REDIC1: variants seen among roughly 807,000 people sequenced by gnomAD.
REDIC1 encodes the protein HEI10 Interacting Protein 1.
the REDIC1 span, among the ~76,000 whole-genome samples, chr12:39,735,188 C>T: frequency 6.6e-6 from 1 of 152,114 alleles, no homozygotes; most frequent in Admixed American, 6.5e-5. Context: ...AGGTGGTGGT[C>T]TGAAGCTGGA....
chr12:39,790,554 CT>C, the REDIC1 span, among the ~76,000 whole-genome samples: 1 of 148,022 alleles, frequency 6.8e-6, no homozygotes, highest in Admixed American at 6.8e-5. Flanking sequence ...TGAACTCATC[CT>C]TTTTTATGGC....
the REDIC1 span, among the ~76,000 whole-genome samples, chr12:39,792,360 C>T: frequency 6.6e-6 from 1 of 151,548 alleles, no homozygotes; most frequent in African/African-American, 2.4e-5. Context: ...GCAACAAAAG[C>T]CAAAATTGAC....
At chr12:39,720,497 CT>C in the REDIC1 span, among the ~76,000 whole-genome samples, 3 of 151,986 alleles carry the variant, frequency 2.0e-5, no homozygotes, top group African/African-American at 7.2e-5. Flanking sequence ...ATTATAGGGA[CT>C]AATAAAAGAC....
the REDIC1 span, among the ~76,000 whole-genome samples, chr12:39,896,500 A>G: frequency 2.0e-5 from 3 of 147,142 alleles, no homozygotes; most frequent in African/African-American, 5.0e-5. Context: ...GTACACATAT[A>G]TGTATGTACA....
the REDIC1 span, among the ~76,000 whole-genome samples, chr12:39,866,571 C>CG: frequency 2.6e-5 from 4 of 152,122 alleles, no homozygotes; most frequent in Non-Finnish European, 4.4e-5. Context: ...CTCCGCCCCC[C>CG]GGGGTTCACG....
chr12:39,817,209 T>C, the REDIC1 span, among the ~76,000 whole-genome samples: 1 of 152,208 alleles, frequency 6.6e-6, no homozygotes, highest in African/African-American at 2.4e-5. Flanking sequence ...AACAAATTCA[T>C]TAGAAAGTCT....
At chr12:39,815,613 A>C in the REDIC1 span, among the ~76,000 whole-genome samples, 1 of 152,216 alleles carries the variant, frequency 6.6e-6, no homozygotes, top group Non-Finnish European at 1.5e-5. Flanking sequence ...GTAAGAGGCG[A>C]ACGGGGATAA....
At chr12:39,714,229 A>ATATACG in the REDIC1 span, among the ~76,000 whole-genome samples, 2 of 145,788 alleles carry the variant, frequency 1.4e-5, no homozygotes, top group African/African-American at 5.1e-5. Context: ...ATATGCATGC[A>ATATACG]TATATGTATA....
the REDIC1 span, among the ~76,000 whole-genome samples, chr12:39,868,658 C>A: frequency 1.3e-5 from 2 of 152,154 alleles, no homozygotes; most frequent in African/African-American, 4.8e-5. Context: ...GGGGGAAAAA[C>A]ACAATCTTTC....
the REDIC1 span, among the ~76,000 whole-genome samples, chr12:39,730,710 T>G: frequency 6.6e-6 from 1 of 152,218 alleles, no homozygotes; most frequent in Non-Finnish European, 1.5e-5. Flanking sequence ...CTTGCTAGGT[T>G]GGGGGAGTTC....
the REDIC1 span, among the ~76,000 whole-genome samples, chr12:39,698,350 T>C: frequency 6.6e-6 from 1 of 152,028 alleles, no homozygotes. Context: ...ATAAAGCAAA[T>C]ATTATTAGAG....
the REDIC1 span, among the ~76,000 whole-genome samples, chr12:39,813,133 C>T: frequency 1.3e-5 from 2 of 150,048 alleles, no homozygotes; most frequent in South Asian, 4.3e-4. Flanking sequence ...GCGTGACCCA[C>T]TGTGCCCAGC....
the REDIC1 span, among the ~76,000 whole-genome samples, chr12:39,714,604 G>A: frequency 2.0e-5 from 3 of 151,798 alleles, no homozygotes; most frequent in South Asian, 2.1e-4. Context: ...TGGACCAAAT[G>A]GTAGTTCTAC....
At chr12:39,769,462 A>T in the REDIC1 span, among the ~76,000 whole-genome samples, 1 of 152,130 alleles carries the variant, frequency 6.6e-6, no homozygotes, top group African/African-American at 2.4e-5. Context: ...TACTTTGAAC[A>T]TCAATTTTTC....
the REDIC1 span, among the ~76,000 whole-genome samples, chr12:39,677,601 A>G: frequency 6.6e-6 from 1 of 152,172 alleles, no homozygotes; most frequent in Non-Finnish European, 1.5e-5. Flanking sequence ...CTTAACAGAT[A>G]TTTACAGAAT....
At chr12:39,776,861 A>G in the REDIC1 span, among the ~76,000 whole-genome samples, 2 of 152,234 alleles carry the variant, frequency 1.3e-5, no homozygotes, top group Non-Finnish European at 2.9e-5. Context: ...GTTCTAAGAC[A>G]GTACTGATCC....
At chr12:39,752,513 A>G in the REDIC1 span, among the ~76,000 whole-genome samples, 16 of 152,272 alleles carry the variant, frequency 1.1e-4, no homozygotes, top group African/African-American at 3.9e-4. Context: ...GGTGGGAGAA[A>G]CAGGCAAGGG....
chr12:39,704,749 A>G, the REDIC1 span, among the ~76,000 whole-genome samples: 1 of 152,262 alleles, frequency 6.6e-6, no homozygotes, highest in Non-Finnish European at 1.5e-5. Context: ...GCCATAAAAA[A>G]GGATGAGTTC....
chr12:39,833,482 A>G, the REDIC1 span, among the ~76,000 whole-genome samples: 2 of 151,966 alleles, frequency 1.3e-5, no homozygotes, highest in Non-Finnish European at 2.9e-5. Context: ...CTTCATGTGA[A>G]TCCTTCTAAC....
Sources: gnomAD v4.1 joint callset for allele counts (sites outside exome capture counted in the v4.1 genomes callset) on GRCh38, gnomAD v4.1.1 for gene constraint, MANE v1.5 for transcripts, NCBI Gene and HGNC (gene_info 2026-07-23, HGNC 2026-07-21) for gene names.